The following PTPRT variants were observed in gnomAD, a reference collection of about 807,000 sequenced individuals.
The protein encoded by PTPRT is receptor-type tyrosine-protein phosphatase T.
Under a neutral mutation model 176.8 loss-of-function variants are expected in PTPRT, and 56 were observed. That is an observed-to-expected ratio of 0.32 (90% CI 0.26 to 0.40). PTPRT has a LOEUF of 0.40. Among genes scored for constraint, PTPRT ranks in the 10% least tolerant of loss-of-function variants. The pLI is 1.00. For missense variants in PTPRT, 1,540 were observed against 1,908.2 expected (o/e 0.81, Z 3.60); for synonymous variants, 783 against 739.0 (o/e 1.06, Z -0.96).
In PTPRT at chr20:42,775,778, T is replaced by C. The variant is rs565774802; in HGVS notation, c.569-4228A>G. On this transcript the variant is annotated intron_variant, in intron 4 of 30. Coordinates refer to ENST00000373187, the MANE Select transcript of PTPRT (RefSeq NM_007050.6). ...TTGGAATACTTAGTGGAATCACTTA[T>C]TGATAAACTCTGACCATATGTTAAT... Among the ~76,000 whole-genome samples, 3 of 152,368 alleles carry C rather than the reference T, an allele frequency of 2.0e-5. No homozygotes were observed. The South Asian group carries it at 6.2e-4, about 32-fold the overall frequency.
At chr20:42,608,002 C>T (rs1380159432) in intron 7 of PTPRT, among the ~76,000 whole-genome samples, 2 of 152,148 alleles carry the variant, frequency 1.3e-5, no homozygotes, top group African/African-American at 4.8e-5. Context: ...CTTCATGTGC[C>T]ACCCAATCAT....
At chr20:42,066,774 A>G in the PTPRT span, among the ~76,000 whole-genome samples, 4 of 152,210 alleles carry the variant, frequency 2.6e-5, no homozygotes, top group African/African-American at 9.6e-5. Context: ...ATATCCTTTT[A>G]TAATTATGTA....
chr20:42,537,210 C>A (rs1601218915), intron 7 of PTPRT, among the ~76,000 whole-genome samples: 1 of 152,012 alleles, frequency 6.6e-6, no homozygotes, highest in African/African-American at 2.4e-5. Flanking sequence ...ATGAAGCCTG[C>A]AAATATATAC....
chr20:42,820,905 A>G (rs1293227861), intron 2 of PTPRT, among the ~76,000 whole-genome samples: 1 of 152,238 alleles, frequency 6.6e-6, no homozygotes, highest in Non-Finnish European at 1.5e-5. Context: ...AAGTTCTGAA[A>G]TTGAGGCAGT....
intron 7 of PTPRT, among the ~76,000 whole-genome samples, chr20:42,560,497 TTGTGACCAAAA>T (rs1338449179): frequency 6.6e-6 from 1 of 152,072 alleles, no homozygotes; most frequent in East Asian, 1.9e-4. Context: ...ACTCGCCAGG[TTGTGACCAAAA>T]TGTGACCAAA....
intron 6 of PTPRT, among the ~76,000 whole-genome samples, chr20:42,679,784 G>T (rs1436256193): frequency 2.0e-5 from 3 of 151,822 alleles, no homozygotes; most frequent in Non-Finnish European, 4.4e-5. Flanking sequence ...AATCCATCAG[G>T]TTATCACACT....
rs1334865219 is a variant in PTPRT at position 42,617,936 on chromosome 20, T to G, written c.1153+59930A>C. Among the ~76,000 whole-genome samples the G allele has an allele frequency of 1.4e-5, 2 of 138,334 alleles. 1 individual carries two copies. The highest frequency in any genetic ancestry group is 6.3e-5 in the African/African-American group (2 of 31,860). The allele number at this position is 138,334 out of a possible 152,430, so 90.8% of individuals were successfully genotyped here. A position where few individuals can be genotyped will look rare whatever the true frequency, so the allele number is the denominator to read the frequency against. Reference sequence around the variant, plus strand: ...TTGAAGGGTTTTTTGTATCTCTATTTCCTTCAGTTCTGCTCTGATTTTAGT... The same window carrying G: ...TTGAAGGGTTTTTTGTATCTCTATTGCCTTCAGTTCTGCTCTGATTTTAGT... On this transcript the variant is annotated intron_variant, in intron 7 of 30. Transcript: ENST00000373187.
chr20:42,941,224 AC>A (rs1980531974), intron 1 of PTPRT, among the ~76,000 whole-genome samples: 1 of 152,172 alleles, frequency 6.6e-6, no homozygotes, highest in Admixed American at 6.5e-5. Context: ...TTCAAAGCCC[AC>A]TCAGCTGGAA....
chr20:42,449,289 G>C (rs988271902), intron 8 of PTPRT, among the ~76,000 whole-genome samples: 1 of 152,118 alleles, frequency 6.6e-6, no homozygotes, highest in Admixed American at 6.6e-5. Context: ...CCAGCATTTT[G>C]AACTAATAAG....
At chr20:42,184,595 C>CTTCTTCTTCTTCCTCT (rs1990684333) in intron 16 of PTPRT, among the ~76,000 whole-genome samples, 20 of 29,484 alleles carry the variant, frequency 6.8e-4, no homozygotes, top group Non-Finnish European at 1.2e-3. Context: ...CTTCTTCTTC[C>CTTCTTCTTCTTCCTCT]TCTTCTTCTT....
the PTPRT span, among the ~76,000 whole-genome samples, chr20:42,064,661 A>C: frequency 6.6e-6 from 1 of 152,182 alleles, no homozygotes; most frequent in African/African-American, 2.4e-5. Flanking sequence ...TTTTCTTATC[A>C]GTCTTAATAG....
chr20:42,497,768 C>T (rs780332772), intron 7 of PTPRT, among the ~76,000 whole-genome samples: 1 of 152,114 alleles, frequency 6.6e-6, no homozygotes, highest in Non-Finnish European at 1.5e-5. Context: ...AATCCTGCAA[C>T]CACATAAGAG....
chr20:42,651,978 G>C (rs2075039327), intron 7 of PTPRT, among the ~76,000 whole-genome samples: 1 of 151,994 alleles, frequency 6.6e-6, no homozygotes, highest in East Asian at 1.9e-4. Flanking sequence ...AACCCGGGAG[G>C]TGGAGGTTGC....
At chr20:43,130,345 C>T (rs2013605993) in intron 1 of PTPRT, among the ~76,000 whole-genome samples, 1 of 152,084 alleles carries the variant, frequency 6.6e-6, no homozygotes, top group African/African-American at 2.4e-5. Context: ...CCCCTACCCC[C>T]AGAATAAAGT....
At chr20:42,373,739 T>C (rs1453105767) in intron 9 of PTPRT, among the ~76,000 whole-genome samples, 1 of 152,238 alleles carries the variant, frequency 6.6e-6, no homozygotes, top group Non-Finnish European at 1.5e-5. Flanking sequence ...AGGAAAGCTG[T>C]GGATATACCA....
chr20:42,191,033 T>A (rs1990982087), intron 16 of PTPRT, among the ~76,000 whole-genome samples: 1 of 152,144 alleles, frequency 6.6e-6, no homozygotes, highest in Admixed American at 6.5e-5. Context: ...TTATACAATA[T>A]AAAACACTCA....
chr20:42,124,174 G>A (rs1438255785), intron 19 of PTPRT, among the ~76,000 whole-genome samples: 1 of 152,180 alleles, frequency 6.6e-6, no homozygotes, highest in Middle Eastern at 3.2e-3. Context: ...CTGCTCAATT[G>A]GGGCTCCTCT....
At chr20:42,649,158 G>A (rs951082593) in intron 7 of PTPRT, among the ~76,000 whole-genome samples, 7 of 152,044 alleles carry the variant, frequency 4.6e-5, no homozygotes, top group African/African-American at 1.7e-4. Context: ...CCACGTGGCT[G>A]GGGAGGCCTC....
At chr20:42,052,407 G>C in the PTPRT span, among the ~76,000 whole-genome samples, 1 of 152,222 alleles carries the variant, frequency 6.6e-6, no homozygotes, top group East Asian at 1.9e-4. Flanking sequence ...GGGTCCCAGT[G>C]ATGTCACAAG....
Sources: allele counts gnomAD v4.1 joint callset (sites outside exome capture counted in the v4.1 genomes callset), GRCh38; gene constraint gnomAD v4.1.1; transcripts MANE v1.5; gene names NCBI Gene and HGNC (gene_info 2026-07-23, HGNC 2026-07-21).